BCAS3: variants seen among roughly 807,000 people sequenced by gnomAD.
BCAS3 encodes BCAS4/BCAS3 fusion.
In BCAS3, 53 loss-of-function variants were observed where a neutral mutation model predicts 116.1. The ratio of observed to expected loss-of-function variants is 0.46; its 90% confidence interval spans 0.37 to 0.57. BCAS3 has a LOEUF of 0.57. BCAS3 is among the 20% of genes least tolerant of loss of function. The pLI is 0.00. For synonymous variants in BCAS3, 391 were observed against 408.2 expected, an observed-to-expected ratio of 0.96 and a Z score of 0.51; for missense variants, 917 against 1,165.4, an observed-to-expected ratio of 0.79 and a Z score of 3.10.
intron 9 of BCAS3, among the ~76,000 whole-genome samples, chr17:60,888,260 T>A (rs556842393): frequency 6.6e-6 from 1 of 152,360 alleles, no homozygotes; most frequent in South Asian, 2.1e-4. Flanking sequence ...GTGTTTTTCC[T>A]TAGGACCCTT....
intron 15 of BCAS3, 44 bp from the exon 16 acceptor site, chr17:61,015,707 A>G (rs2065408400): frequency 3.1e-6 from 5 of 1,600,438 alleles, no homozygotes; most frequent in Non-Finnish European, 3.4e-6. Flanking sequence ...CGGGAGATAG[A>G]GAACCTTCCT....
At chr17:60,924,678 T>A (rs752205294) in intron 13 of BCAS3, among the ~76,000 whole-genome samples, 178 bp downstream of exon 13, 2 of 152,086 alleles carry the variant, frequency 1.3e-5, no homozygotes, top group Non-Finnish European at 2.9e-5. Flanking sequence ...AGTACCCCTC[T>A]AAAATCCCTC....
At chr17:60,867,393 A>G (rs999241422) in intron 7 of BCAS3, among the ~76,000 whole-genome samples, 2 of 152,046 alleles carry the variant, frequency 1.3e-5, no homozygotes, top group African/African-American at 4.8e-5. Context: ...GACGTGAGCC[A>G]CCACGCCTGG....
chr17:61,306,927 A>T (rs2053902881), intron 22 of BCAS3, among the ~76,000 whole-genome samples: 1 of 152,206 alleles, frequency 6.6e-6, no homozygotes, highest in South Asian at 2.1e-4. Flanking sequence ...GCTTAAGTAC[A>T]CTGGTTATTT....
intron 12 of BCAS3, among the ~76,000 whole-genome samples, chr17:60,916,764 A>G (rs1481956047): frequency 6.6e-6 from 1 of 152,206 alleles, no homozygotes; most frequent in Non-Finnish European, 1.5e-5. Context: ...ATGAAAAGAC[A>G]ACTCACAGAA....
Position 61,188,932 on chromosome 17 carries a change from A to G in BCAS3, c.2425+104368A>G, listed in dbSNP as rs556533126. 6.6e-6 allele frequency among the ~76,000 whole-genome samples: 1 copy of G among 152,110 alleles called. No individual in the cohort carries two copies. The highest frequency in any genetic ancestry group is 1.5e-5 in the Non-Finnish European group (1 of 68,014). On this transcript the variant is annotated intron_variant, in intron 22 of 23. Transcript: ENST00000407086. This position sits in a 1 kb window ranked among gnomAD's most constrained non-coding sequence, Gnocchi z 4.0. ...AGTCTGAGCAACATAGTGAGACCTCATCTCTATAAAACATCAAAAAATCAG... is the reference window on the plus strand; with the variant it reads ...AGTCTGAGCAACATAGTGAGACCTCGTCTCTATAAAACATCAAAAAATCAG...
chr17:60,934,226 G>C (rs1336359647), intron 13 of BCAS3, among the ~76,000 whole-genome samples: 1 of 152,112 alleles, frequency 6.6e-6, no homozygotes, highest in Non-Finnish European at 1.5e-5. Flanking sequence ...CCCACCTAAA[G>C]TCCTAATGTA....
chr17:60,784,294 CA>C (rs2046087623), intron 6 of BCAS3, among the ~76,000 whole-genome samples: 5 of 141,274 alleles, frequency 3.5e-5, no homozygotes, highest in African/African-American at 5.3e-5. Context: ...AAAAATGAAA[CA>C]AATTTTTTTT....
Position 61,065,199 on chromosome 17 carries a change from A to G in BCAS3, c.2030-9721A>G, listed in dbSNP as rs1021971852. On this transcript the variant is annotated intron_variant, in intron 19 of 23. Transcript: ENST00000407086. This position sits in a 1 kb window ranked among gnomAD's most constrained non-coding sequence, Gnocchi z 4.8. ...GATTTAAATATGTTTGTTGGATATTATAATTCCTCCTCTGTGAATTGCTTG... is the reference window on the plus strand; with the variant it reads ...GATTTAAATATGTTTGTTGGATATTGTAATTCCTCCTCTGTGAATTGCTTG... Among the ~76,000 whole-genome samples the G allele has an allele frequency of 6.6e-6, 1 of 152,216 alleles. No homozygotes were observed. The highest frequency in any genetic ancestry group is 1.5e-5 in the Non-Finnish European group (1 of 68,032).
chr17:61,168,906 A>G (rs1236492057), intron 22 of BCAS3, among the ~76,000 whole-genome samples: 1 of 152,210 alleles, frequency 6.6e-6, no homozygotes, highest in Non-Finnish European at 1.5e-5. Flanking sequence ...ATTTCTGACC[A>G]TTTTGCCTAG....
intron 22 of BCAS3, among the ~76,000 whole-genome samples, chr17:61,262,483 C>G (rs2049294347): frequency 6.6e-6 from 1 of 151,886 alleles, no homozygotes; most frequent in South Asian, 2.1e-4. Flanking sequence ...TGGATTCAAG[C>G]GATTCTCCTG....
At chr17:60,845,075 C>G (rs957411454) in intron 7 of BCAS3, among the ~76,000 whole-genome samples, 5 of 152,060 alleles carry the variant, frequency 3.3e-5, no homozygotes, top group African/African-American at 1.2e-4. Flanking sequence ...ACTAAAAATA[C>G]AAAAATTAGA....
In BCAS3 at chr17:61,364,280, G is replaced by T. The variant is rs145801289; in HGVS notation, c.2426-4047G>T. Among the ~76,000 whole-genome samples, 2 of 152,188 alleles carry T rather than the reference G, an allele frequency of 1.3e-5. No individual in the cohort carries two copies. Among genetic ancestry groups the T allele is most frequent in the African/African-American group, 4.8e-5 (2 of 41,456 alleles). On this transcript the variant is annotated intron_variant, in intron 22 of 23. Transcript: ENST00000407086. This position sits in a 1 kb window ranked among gnomAD's most constrained non-coding sequence, Gnocchi z 5.4. ...TTGTGTTTCTCCTGTGTGCCATCCCGTAAACATGGTGACTCATCGTCACCA... is the reference window on the plus strand; with the variant it reads ...TTGTGTTTCTCCTGTGTGCCATCCCTTAAACATGGTGACTCATCGTCACCA...
In BCAS3 at chr17:61,208,287, C is replaced by T. The variant is rs1042612723; in HGVS notation, c.2425+123723C>T. ...GTGTTTCATTTTGTCTAAAGCGGGA[C>T]TCTTCTCCTCCCAGGGACCAGAGAA... On this transcript the variant is annotated intron_variant, in intron 22 of 23. Coordinates refer to ENST00000407086, the MANE Select transcript of BCAS3 (RefSeq NM_017679.5). This position sits in a 1 kb window ranked among gnomAD's most constrained non-coding sequence, Gnocchi z 4.5. 1.1e-4 allele frequency among the ~76,000 whole-genome samples: 16 copies of T among 152,138 alleles called. No homozygotes were observed. Among genetic ancestry groups the T allele is most frequent in the African/African-American group, 3.9e-4 (16 of 41,418 alleles).
At chr17:61,270,719 T>G (rs937377695) in intron 22 of BCAS3, among the ~76,000 whole-genome samples, 1 of 152,154 alleles carries the variant, frequency 6.6e-6, no homozygotes, top group Non-Finnish European at 1.5e-5. Context: ...GTTTTATAGT[T>G]TCAGGTTTAT....
At chr17:61,074,795 C>G (rs1281660071) in intron 19 of BCAS3, 125 bp from the exon 20 acceptor site, 7 of 473,526 alleles carry the variant, frequency 1.5e-5, no homozygotes, top group Non-Finnish European at 2.2e-5. Context: ...TTTGAATTGC[C>G]TTTTTGCTTT....
intron 22 of BCAS3, among the ~76,000 whole-genome samples, chr17:61,210,540 A>C (rs2081397147): frequency 1.3e-5 from 2 of 152,230 alleles, no homozygotes; most frequent in Admixed American, 1.3e-4. Context: ...CCTAGTGGGT[A>C]AGAGTAAGAT....
chr17:60,882,598 T>C (rs1234512403), intron 9 of BCAS3, among the ~76,000 whole-genome samples: 4 of 152,086 alleles, frequency 2.6e-5, no homozygotes, highest in Non-Finnish European at 5.9e-5. Context: ...ATCTTTAATC[T>C]ATCTTGAATT....
In BCAS3 at chr17:61,208,577, G is replaced by A. The variant is rs566334373; in HGVS notation, c.2425+124013G>A. ...AAAGAGAGAGGGAGAAACAAAGCAC[G>A]TGGTCATCCCAAATGCTAATATCAG... On this transcript the variant is annotated intron_variant, in intron 22 of 23. Transcript: ENST00000407086. The surrounding 1 kb of genome is among the most constrained non-coding windows in gnomAD (Gnocchi z 4.5). Among the ~76,000 whole-genome samples the A allele has an allele frequency of 2.0e-5, 3 of 152,284 alleles. No homozygotes were observed. Among genetic ancestry groups the A allele is most frequent in the South Asian group, 4.1e-4 (2 of 4,822 alleles).
Sources: gnomAD v4.1 joint callset for allele counts (sites outside exome capture counted in the v4.1 genomes callset) on GRCh38, gnomAD v4.1.1 for gene constraint, Gnocchi (gnomAD v3.1) non-coding constraint, MANE v1.5 for transcripts, NCBI Gene and HGNC (gene_info 2026-07-23, HGNC 2026-07-21) for gene names.